Variants in TUSC3 observed in about 807,000 individuals in gnomAD.
TUSC3 encodes the protein dolichyl-diphosphooligosaccharide--protein glycosyltransferase subunit TUSC3.
Under a neutral mutation model 44.8 loss-of-function variants are expected in TUSC3, and 45 were observed. The ratio of observed to expected loss-of-function variants is 1.00; its 90% CI spans 0.79 to 1.29. The LOEUF (loss-of-function observed/expected upper bound fraction) is 1.29, where lower values mean the gene tolerates loss of function less well. Among genes scored for constraint, TUSC3 ranks in the 50% most tolerant of loss-of-function variants. The pLI, the probability that TUSC3 is intolerant of heterozygous loss-of-function variation, is 0.00. For synonymous variants in TUSC3, 212 were observed against 152.9 expected (o/e 1.39, Z -2.85); for missense variants, 519 against 437.9 (o/e 1.19, Z -1.65).
At chr8:15,826,204 G>C in the TUSC3 span, among the ~76,000 whole-genome samples, 1 of 152,068 alleles carries the variant, frequency 6.6e-6, no homozygotes, top group Admixed American at 6.6e-5. Context: ...GTAATTCTAG[G>C]AGATGGCATA....
chr8:15,672,116 G>C (rs1807975088), intron 5 of TUSC3, among the ~76,000 whole-genome samples: 1 of 152,016 alleles, frequency 6.6e-6, no homozygotes, highest in Non-Finnish European at 1.5e-5. Context: ...CATGGATGCA[G>C]GGGGAAGCAA....
At chr8:15,446,154 C>A (rs1800094652) in intron 1 of TUSC3, among the ~76,000 whole-genome samples, 1 of 150,652 alleles carries the variant, frequency 6.6e-6, no homozygotes, top group African/African-American at 2.4e-5. Flanking sequence ...AGAGGCGCTC[C>A]TCACATCCCA....
At chr8:15,695,410 A>G (rs987366065) in intron 6 of TUSC3, among the ~76,000 whole-genome samples, 3 of 152,198 alleles carry the variant, frequency 2.0e-5, no homozygotes, top group African/African-American at 7.2e-5. Flanking sequence ...GTCTTCTGCC[A>G]TGATTGTGAG....
intron 9 of TUSC3, chr8:15,748,921 G>C (rs1185122533): frequency 5.5e-6 from 2 of 362,848 alleles, no homozygotes; most frequent in Admixed American, 3.9e-5. Context: ...AATAATTTCT[G>C]GTCATTATAA....
chr8:15,727,799 T>C (rs969370438), intron 6 of TUSC3, among the ~76,000 whole-genome samples: 2 of 152,208 alleles, frequency 1.3e-5, no homozygotes, highest in African/African-American at 4.8e-5. Context: ...AAATGATTTG[T>C]TTGATTACAT....
rs191752821 is a variant in TUSC3 at position 15,451,922 on chromosome 8, C to T, written n.92-31464C>T. Among the ~76,000 whole-genome samples, 848 of 152,194 alleles carry T rather than the reference C, an allele frequency of 5.6e-3. 6 individuals carry two copies. The highest frequency in any genetic ancestry group is 0.017 in the Middle Eastern group (5 of 294). ...TTGTGAGAGTATAGAAGAGGAAAAACAGTTTTTTTGCTATACAGTAGCATT... is the reference window on the plus strand; with the variant it reads ...TTGTGAGAGTATAGAAGAGGAAAAATAGTTTTTTTGCTATACAGTAGCATT... On this transcript the variant is annotated intron_variant and non_coding_transcript_variant, in intron 1 of 5. Coordinates refer to the TUSC3 transcript ENST00000503191.
chr8:15,780,973 T>G, the TUSC3 span, among the ~76,000 whole-genome samples: 1 of 152,068 alleles, frequency 6.6e-6, no homozygotes, highest in African/African-American at 2.4e-5. Context: ...CAGTAGGGAG[T>G]TAAAGCACAG....
In TUSC3 at chr8:15,564,270, TG is replaced by T. The variant is rs531739764; in HGVS notation, c.138+23703del. Among the ~76,000 whole-genome samples, 5 of 152,226 alleles carry T rather than the reference TG, an allele frequency of 3.3e-5. No individual in the cohort carries two copies. In the South Asian group the frequency reaches 1.0e-3, roughly 32 times the overall value. ...GTAGATAACTAAGTTTGGGCAGCCATGTTGTTTTTGAGTTAACATTTCTCTA... is the reference window on the plus strand; with the variant it reads ...GTAGATAACTAAGTTTGGGCAGCCATTTGTTTTTGAGTTAACATTTCTCTA... On this transcript the variant is annotated intron_variant, in intron 1 of 10. Coordinates refer to ENST00000503731, the MANE Select transcript of TUSC3 (RefSeq NM_006765.4).
intron 1 of TUSC3, among the ~76,000 whole-genome samples, chr8:15,550,400 T>A (rs1802019913): frequency 6.6e-6 from 1 of 151,776 alleles, no homozygotes; most frequent in South Asian, 2.1e-4. Context: ...AACTGTAGAA[T>A]GTGATTTTAC....
intron 6 of TUSC3, among the ~76,000 whole-genome samples, chr8:15,684,235 G>A (rs1408986670): frequency 6.6e-6 from 1 of 152,094 alleles, no homozygotes; most frequent in Non-Finnish European, 1.5e-5. Context: ...CTAATGGGCT[G>A]TGCTTCTGCC....
the TUSC3 span, among the ~76,000 whole-genome samples, chr8:15,848,200 C>T: frequency 2.0e-5 from 3 of 152,286 alleles, no homozygotes; most frequent in South Asian, 2.1e-4. Flanking sequence ...CCTCAGCTGT[C>T]ATGGATCAAC....
intron 2 of TUSC3, among the ~76,000 whole-genome samples, chr8:15,636,548 A>G (rs1333864124): frequency 2.6e-5 from 4 of 152,220 alleles, no homozygotes; most frequent in African/African-American, 7.2e-5. Context: ...GCGTTGGTAC[A>G]TGGAAGACAA....
chr8:15,652,235 C>T (rs2129176214), intron 3 of TUSC3, among the ~76,000 whole-genome samples: 2 of 152,244 alleles, frequency 1.3e-5, no homozygotes, highest in South Asian at 4.1e-4. Context: ...TAATGCTTAC[C>T]AGGTCATGGA....
At chr8:15,476,099 T>G (rs1023689558) in intron 1 of TUSC3, among the ~76,000 whole-genome samples, 2 of 152,180 alleles carry the variant, frequency 1.3e-5, no homozygotes, top group Admixed American at 1.3e-4. Context: ...TTTTAACCAA[T>G]AAAGTGCAGC....
chr8:15,500,553 A>G (rs750627483), intron 2 of TUSC3, among the ~76,000 whole-genome samples: 26 of 152,204 alleles, frequency 1.7e-4, no homozygotes, highest in Non-Finnish European at 1.5e-4. Flanking sequence ...GTTTACAAAG[A>G]ATGATTGTCT....
chr8:15,628,028 C>T (rs1805594093), intron 2 of TUSC3, among the ~76,000 whole-genome samples: 1 of 152,166 alleles, frequency 6.6e-6, no homozygotes, highest in South Asian at 2.1e-4. Flanking sequence ...TGCTATAAAG[C>T]CCTACTCAGA....
At chr8:15,659,485 AT>A (rs762761590) in intron 3 of TUSC3, 21 bp from the exon 4 acceptor site, 20 of 1,608,758 alleles carry the variant, frequency 1.2e-5, no homozygotes, top group Non-Finnish European at 1.6e-5. Flanking sequence ...TATATTTAGT[AT>A]TTTTTTCTCA....
chr8:15,775,010 C>G, the TUSC3 span, among the ~76,000 whole-genome samples: 1 of 152,124 alleles, frequency 6.6e-6, no homozygotes, highest in Non-Finnish European at 1.5e-5. Context: ...TTAAACAAAA[C>G]TTGCACAAAT....
intron 1 of TUSC3, among the ~76,000 whole-genome samples, chr8:15,468,018 T>C (rs1434834238): frequency 6.6e-6 from 1 of 152,168 alleles, no homozygotes; most frequent in Non-Finnish European, 1.5e-5. Context: ...TAGAAAACAA[T>C]ATATAAATAG....
Sources: gnomAD v4.1 joint callset for allele counts (sites outside exome capture counted in the v4.1 genomes callset) on GRCh38, gnomAD v4.1.1 for gene constraint, MANE v1.5 for transcripts, NCBI Gene and HGNC (gene_info 2026-07-23, HGNC 2026-07-21) for gene names.